Variants in SCFD2 observed in about 807,000 individuals in gnomAD.
SCFD2 encodes the protein sec1 family domain-containing protein 2.
A neutral mutation model predicts 58.9 loss-of-function variants in SCFD2; 54 were observed. The observed-to-expected ratio is 0.92, with a 90% CI of 0.74 to 1.15. SCFD2 has a LOEUF of 1.15. Ranked by LOEUF, SCFD2 falls within the 50% of genes most tolerant of loss-of-function variation. SCFD2 has a pLI of 0.00. For synonymous variants in SCFD2, 321 were observed against 335.9 expected (o/e 0.96, Z 0.49); for missense variants, 805 against 836.6 (o/e 0.96, Z 0.47).
At chr4:53,093,226 C>T (rs1294449599) in intron 5 of SCFD2, among the ~76,000 whole-genome samples, 1 of 151,920 alleles carries the variant, frequency 6.6e-6, no homozygotes, top group Non-Finnish European at 1.5e-5. Flanking sequence ...TACCAGTGCC[C>T]AAAACAGTGA....
At chr4:53,336,564 G>T (rs1733690582) in intron 2 of SCFD2, among the ~76,000 whole-genome samples, 1 of 150,738 alleles carries the variant, frequency 6.6e-6, no homozygotes. Flanking sequence ...TTGCTCTGTT[G>T]CCCAGACTGG....
chr4:53,211,797 T>A (rs1728621912), intron 4 of SCFD2, among the ~76,000 whole-genome samples: 1 of 152,138 alleles, frequency 6.6e-6, no homozygotes, highest in African/African-American at 2.4e-5. Flanking sequence ...TCAGTAGTTT[T>A]AAATTTTTCC....
At chr4:52,884,992 C>T (rs373941705) in intron 8 of SCFD2, among the ~76,000 whole-genome samples, 10 of 152,188 alleles carry the variant, frequency 6.6e-5, no homozygotes, top group African/African-American at 2.4e-4. Context: ...GCTTTTCCCT[C>T]CCAGATCACC....
At chr4:53,115,237 G>A (rs1725287555) in intron 5 of SCFD2, among the ~76,000 whole-genome samples, 1 of 151,850 alleles carries the variant, frequency 6.6e-6, no homozygotes, top group African/African-American at 2.4e-5. Flanking sequence ...TAGACAAATT[G>A]GAGCACAAGA....
rs1731467365 is a variant in SCFD2 at position 53,280,232 on chromosome 4, G to C, written c.1136-6231C>G. Among the ~76,000 whole-genome samples the C allele has an allele frequency of 2.0e-5, 3 of 152,090 alleles. No individual in the cohort carries two copies. In the South Asian group the frequency reaches 6.2e-4, roughly 31 times the overall value. On this transcript the variant is annotated intron_variant, in intron 3 of 8. Coordinates refer to ENST00000401642, the MANE Select transcript of SCFD2 (RefSeq NM_152540.4). ...CAACCATCATAAGAAATTTTATCTAGAGGCCAGGCACGGTGGCTCACGCCT... is the reference window on the plus strand; with the variant it reads ...CAACCATCATAAGAAATTTTATCTACAGGCCAGGCACGGTGGCTCACGCCT...
intron 5 of SCFD2, among the ~76,000 whole-genome samples, chr4:53,077,472 C>T (rs980577512): frequency 6.6e-6 from 1 of 152,176 alleles, no homozygotes; most frequent in Non-Finnish European, 1.5e-5. Context: ...GAGTCTCACT[C>T]TGTTGCCCAA....
At chr4:53,160,784 A>G (rs962221270) in intron 4 of SCFD2, among the ~76,000 whole-genome samples, 1 of 152,194 alleles carries the variant, frequency 6.6e-6, no homozygotes, top group Admixed American at 6.5e-5. Flanking sequence ...GGTTAATCTC[A>G]AAGTATCAAC....
intron 5 of SCFD2, among the ~76,000 whole-genome samples, chr4:53,021,031 A>T (rs1722337013): frequency 6.6e-6 from 1 of 152,226 alleles, no homozygotes; most frequent in African/African-American, 2.4e-5. Flanking sequence ...TAGATATTTT[A>T]AAAGTGTTAC....
intron 5 of SCFD2, among the ~76,000 whole-genome samples, chr4:53,007,335 G>GAGAGAGAGAGC (rs1560508028): frequency 2.5e-5 from 1 of 39,222 alleles, no homozygotes; most frequent in Non-Finnish European, 4.9e-5. Flanking sequence ...AGAGAGAGAG[G>GAGAGAGAGAGC]GAGAGAGAGA....
intron 4 of SCFD2, among the ~76,000 whole-genome samples, chr4:53,227,300 A>C (rs962184316): frequency 2.0e-5 from 3 of 152,212 alleles, no homozygotes; most frequent in Non-Finnish European, 2.9e-5. Flanking sequence ...TAAATTTTAA[A>C]GAGGAAAAAA....
At chr4:53,104,760 A>G (rs1266738971) in intron 5 of SCFD2, among the ~76,000 whole-genome samples, 1 of 152,222 alleles carries the variant, frequency 6.6e-6, no homozygotes, top group East Asian at 1.9e-4. Flanking sequence ...TGTGCTAATC[A>G]TTACTGCAGA....
intron 2 of SCFD2, among the ~76,000 whole-genome samples, chr4:53,332,499 CAT>C (rs1230605210): frequency 1.3e-5 from 2 of 152,196 alleles, no homozygotes; most frequent in East Asian, 1.9e-4. Flanking sequence ...AAAAAAACCA[CAT>C]GATTATCTCA....
In SCFD2 at chr4:53,365,791, C is replaced by T. The variant is rs534575953; in HGVS notation, c.151G>A (p.Gly51Ser). 7 of 1,613,902 alleles carry T rather than the reference C, an allele frequency of 4.3e-6. No homozygotes were observed. The highest frequency in any genetic ancestry group is 2.2e-5 in the East Asian group (1 of 44,864). Reference sequence around the variant, plus strand: ...AACTCTCGCAGGTGACAGTCAGGACCCCCCACCGCCTCCAGGAGACGGGTG... The same window carrying T: ...AACTCTCGCAGGTGACAGTCAGGACTCCCCACCGCCTCCAGGAGACGGGTG... ...GSTRLLEAVG[G>S]PDCHLREFEP... The change falls in exon 1 of 9, where the codon GGT becomes AGT. Residue 51 changes from glycine (G) to serine (S), a missense_variant. Physicochemically the swap from Gly to Ser is moderately conservative, Grantham distance 56. This residue lies in a region of SCFD2 where 155 missense variants were observed against 149.7 expected (regional missense o/e 1.04). Transcript: ENST00000401642. This position sits in a 1 kb window ranked among gnomAD's most constrained non-coding sequence, Gnocchi z 4.3.
chr4:52,905,102 G>A (rs1719314075), intron 7 of SCFD2, among the ~76,000 whole-genome samples: 1 of 152,232 alleles, frequency 6.6e-6, no homozygotes, highest in Non-Finnish European at 1.5e-5. Context: ...ACAACACGAA[G>A]AAGGCTGGTA....
intron 4 of SCFD2, among the ~76,000 whole-genome samples, chr4:53,254,195 C>T (rs1730510387): frequency 6.6e-6 from 1 of 152,154 alleles, no homozygotes; most frequent in African/African-American, 2.4e-5. Flanking sequence ...CAAATCTCAC[C>T]TTGAATCGTA....
intron 4 of SCFD2, among the ~76,000 whole-genome samples, chr4:53,182,209 A>C (rs569563369): frequency 6.6e-6 from 1 of 152,224 alleles, no homozygotes; most frequent in Non-Finnish European, 1.5e-5. Flanking sequence ...ATCCTAAGCC[A>C]AAAGAACAAA....
At chr4:53,119,474 G>A (rs1469988067) in intron 5 of SCFD2, among the ~76,000 whole-genome samples, 1 of 152,010 alleles carries the variant, frequency 6.6e-6, no homozygotes, top group Non-Finnish European at 1.5e-5. Context: ...GAACGAGACT[G>A]TTTCAAAAAA....
intron 5 of SCFD2, among the ~76,000 whole-genome samples, chr4:53,028,790 A>G (rs886173608): frequency 6.6e-6 from 1 of 152,194 alleles, no homozygotes; most frequent in Non-Finnish European, 1.5e-5. Context: ...CAAGCTTGCC[A>G]AACTAAGTTT....
chr4:53,260,810 T>C (rs530354225), intron 4 of SCFD2, among the ~76,000 whole-genome samples: 5 of 152,250 alleles, frequency 3.3e-5, no homozygotes, highest in Admixed American at 3.3e-4. Flanking sequence ...TTGATACCAA[T>C]TCTTTGAATG....
Sources: gnomAD v4.1 joint callset for allele counts (sites outside exome capture counted in the v4.1 genomes callset) on GRCh38, gnomAD v4.1.1 for gene constraint, gnomAD v4.1.1 regional missense constraint, Gnocchi (gnomAD v3.1) non-coding constraint, MANE v1.5 for transcripts, NCBI Gene and HGNC (gene_info 2026-07-23, HGNC 2026-07-21) for gene names.